COG2: variants seen among roughly 807,000 people sequenced by gnomAD.
The protein encoded by COG2 is conserved oligomeric Golgi complex subunit 2.
In COG2, 52 loss-of-function variants were observed where a neutral mutation model predicts 90.6. That is an observed-to-expected ratio of 0.57 (90% confidence interval 0.46 to 0.72). COG2 has a LOEUF of 0.72. Ranked by LOEUF, COG2 falls within the 30% of genes least tolerant of loss-of-function variation. COG2 has a pLI of 0.00. For missense variants in COG2, 829 were observed against 891.2 expected, an observed-to-expected ratio of 0.93 and a Z score of 0.89; for synonymous variants, 337 against 320.4, an observed-to-expected ratio of 1.05 and a Z score of -0.55.
intron 3 of COG2, among the ~76,000 whole-genome samples, chr1:230,662,695 C>G (rs894447561): frequency 1.3e-5 from 2 of 152,164 alleles, no homozygotes; most frequent in Non-Finnish European, 1.5e-5. Flanking sequence ...CAAATTGATG[C>G]CTGCAGTACC....
intron 11 of COG2, among the ~76,000 whole-genome samples, chr1:230,684,696 G>GAGAT (rs1662843774): frequency 6.6e-6 from 1 of 152,228 alleles, no homozygotes; most frequent in Non-Finnish European, 1.5e-5. Flanking sequence ...GAAGTATGTT[G>GAGAT]AGATAGAGGA....
chr1:230,684,825 G>A (rs559759185), intron 11 of COG2, among the ~76,000 whole-genome samples: 1 of 152,176 alleles, frequency 6.6e-6, no homozygotes, highest in Admixed American at 6.5e-5. Flanking sequence ...ATTTCTGAAT[G>A]CTATATGTAT....
chr1:230,690,399 C>T (rs1019466138), intron 16 of COG2: 4 of 366,050 alleles, frequency 1.1e-5, no homozygotes, highest in African/African-American at 4.2e-5. Context: ...ACAGTGCCCC[C>T]GCATCTCCAG....
chr1:230,681,164 A>G (rs750903350), intron 10 of COG2: 3 of 152,224 alleles, frequency 2.0e-5, no homozygotes, highest in Non-Finnish European at 4.4e-5. Flanking sequence ...ATGAGGACTT[A>G]GTATCTCATA....
intron 1 of COG2, among the ~76,000 whole-genome samples, chr1:230,651,488 T>C (rs939379401): frequency 2.0e-5 from 3 of 152,202 alleles, no homozygotes; most frequent in African/African-American, 7.2e-5. Flanking sequence ...GGTTTTAAAA[T>C]TGATTGTCAC....
intron 11 of COG2, among the ~76,000 whole-genome samples, chr1:230,684,812 G>A (rs188031119): frequency 6.6e-6 from 1 of 152,268 alleles, no homozygotes; most frequent in Admixed American, 6.5e-5. Context: ...CCTATTAAAC[G>A]TTATTTCTGA....
At chr1:230,644,835 G>A (rs922298663) in intron 1 of COG2, among the ~76,000 whole-genome samples, 3 of 152,180 alleles carry the variant, frequency 2.0e-5, no homozygotes, top group African/African-American at 7.2e-5. Flanking sequence ...GTATGTTGCA[G>A]TTGGAACTGA....
rs2102752429 is a variant in COG2 at position 230,663,207 on chromosome 1, A to G, written c.367A>G (p.Ile123Val). The change falls in exon 4 of 18, where the codon ATT (isoleucine) becomes GTT (valine). Residue 123 changes from isoleucine to valine, a missense_variant. Physicochemically the swap from Ile to Val is conservative, Grantham distance 29. Coordinates refer to ENST00000366669, the MANE Select transcript of COG2 (RefSeq NM_007357.3). ...VDERMSKQED[I>V]RKKKMCVLRL... ...TGAACGAATGTCTAAACAAGAGGAC[A>G]TTAGGAAAAAAAAGGTATACTCAAA... The G allele has an allele frequency of 1.9e-6, 3 of 1,611,156 alleles. No homozygotes were observed. Among genetic ancestry groups the G allele is most frequent in the South Asian group, 1.1e-5 (1 of 90,478 alleles).
In COG2 at chr1:230,668,579, A is replaced by C. The variant is rs927711996; in HGVS notation, c.486-97A>C. 6.6e-5 allele frequency: 45 copies of C among 685,102 alleles called. No homozygotes were observed. The African/African-American group carries it at 8.1e-4, about 12-fold the overall frequency. The allele number at this position is 685,102 out of a possible 1,614,324, so 42.4% of individuals were successfully genotyped here. The stretch of plus-strand genomic sequence containing the variant: ...AACACTCTGACAAAAGTCAAAATAC[A>C]GTGGGTATGAAAGTCTCTCACTGCC... On this transcript the variant is annotated intron_variant, in intron 5 of 17. Transcript: ENST00000366669.
rs765350060 is a variant in COG2, at chr1:230,679,071, G to T, written c.1166+19G>T. The T allele has an allele frequency of 6.2e-7, 1 of 1,606,320 alleles. No individual in the cohort carries two copies. Among genetic ancestry groups the T allele is most frequent in the Non-Finnish European group, 8.5e-7 (1 of 1,174,434 alleles). ...AAATAAGGTTGGTCATCTATTCACC[G>T]CCCCCGCCCCGCACCCTTCTAAAAC... is the stretch of plus-strand genomic sequence containing the variant. On this transcript the variant is annotated intron_variant, in intron 10 of 17. Coordinates refer to ENST00000366669, the MANE Select transcript of COG2 (RefSeq NM_007357.3).
intron 4 of COG2, among the ~76,000 whole-genome samples, chr1:230,663,836 C>G (rs923783322): frequency 6.6e-6 from 1 of 151,806 alleles, no homozygotes; most frequent in African/African-American, 2.4e-5. Flanking sequence ...AAACTAAGAA[C>G]ATAAAAAAAG....
chr1:230,686,958 T>C lies in COG2; in HGVS notation c.1404T>C (p.Asn468=), dbSNP rs1210824075. 6.4e-7 allele frequency: 1 copy of C among 1,557,112 alleles called. No homozygotes were observed. The highest frequency in any genetic ancestry group is 8.7e-7 in the Non-Finnish European group (1 of 1,147,772). ...AGCTTTCACTCAGGCCCATTTCTAA[T>C]GAAAGTCCCAAGGAGATCAAGAAAC... ...VNELSLRPIS[N]ESPKEIKKPL... The change falls in exon 13 of 18, where the codon AAT becomes AAC. Residue 468 remains asparagine, a synonymous_variant. Coordinates refer to ENST00000366669, the MANE Select transcript of COG2 (RefSeq NM_007357.3).
At chr1:230,644,965 TGAAC>T (rs529461084) in intron 1 of COG2, among the ~76,000 whole-genome samples, 115 of 152,238 alleles carry the variant, frequency 7.6e-4, no homozygotes, top group African/African-American at 2.5e-3. Flanking sequence ...GAGTGGCAGA[TGAAC>T]GAATCACTTG....
chr1:230,688,425 C>G lies in COG2; in HGVS notation c.1657C>G (p.Leu553Val), dbSNP rs201551743. The G allele has an allele frequency of 4.3e-5, 69 of 1,613,808 alleles. No homozygotes were observed. The South Asian group carries it at 7.4e-4, about 17-fold the overall frequency. Residue 553 changes from leucine (L) to valine (V), a missense_variant, in exon 15 of 18, where the codon CTG becomes GTG. By Grantham distance (32) the Leu-to-Val change is conservative. Transcript: ENST00000366669. ...FKNFSSISAALEDSQSSFSAC... is the reference protein window; with the variant it reads ...FKNFSSISAAVEDSQSSFSAC... ...CCAGTCTTTAATCTCAACAGCAGCCCTGGAGGACTCCCAGAGCTCTTTTTC... is the reference window on the plus strand; with the variant it reads ...CCAGTCTTTAATCTCAACAGCAGCCGTGGAGGACTCCCAGAGCTCTTTTTC...
At chr1:230,654,913 A>G (rs1331156263) in intron 1 of COG2, among the ~76,000 whole-genome samples, 1 of 152,174 alleles carries the variant, frequency 6.6e-6, no homozygotes, top group African/African-American at 2.4e-5. Flanking sequence ...TTATTGGTGT[A>G]TAGGAATGCT....
chr1:230,672,966 T>A (rs3827745), intron 8 of COG2, among the ~76,000 whole-genome samples: 21,636 of 152,274 alleles, frequency 0.14, 2,063 homozygotes, highest in Admixed American at 0.2. Flanking sequence ...TGCAGAAATA[T>A]GGGGTAATTA....
intron 1 of COG2, among the ~76,000 whole-genome samples, 170 bp from the exon 2 acceptor site, chr1:230,659,294 C>T (rs556690081): frequency 3.9e-5 from 6 of 152,294 alleles, no homozygotes; most frequent in African/African-American, 1.2e-4. Flanking sequence ...CTTTATAAAG[C>T]GGACAAACAC....
chr1:230,664,457 AC>A (rs1309239231), intron 4 of COG2, 26 bp from the exon 5 acceptor site: 1 of 1,017,082 alleles, frequency 9.8e-7, no homozygotes, highest in African/African-American at 1.7e-5. Flanking sequence ...CATGACAATA[AC>A]TTTTTTCCTT....
At chr1:230,692,859 AG>A (rs2102778348) in intron 17 of COG2, among the ~76,000 whole-genome samples, 1 of 152,150 alleles carries the variant, frequency 6.6e-6, no homozygotes, top group East Asian at 1.9e-4. Context: ...AATCCACGGT[AG>A]TTGCTTTGCC....
Sources: allele counts gnomAD v4.1 joint callset (sites outside exome capture counted in the v4.1 genomes callset), GRCh38; gene constraint gnomAD v4.1.1; transcripts MANE v1.5; gene names NCBI Gene and HGNC (gene_info 2026-07-23, HGNC 2026-07-21).